Variants in NEGR1 observed in about 807,000 individuals in gnomAD.
The protein encoded by NEGR1 is IgLON family member 4.
Under a neutral mutation model 40.9 loss-of-function variants are expected in NEGR1, and 10 were observed. That is an observed-to-expected ratio of 0.24 (90% CI 0.15 to 0.42). NEGR1 has a LOEUF of 0.42. Ranked by LOEUF, NEGR1 falls within the 10% of genes least tolerant of loss-of-function variation. The pLI, the probability that NEGR1 is intolerant of heterozygous loss-of-function variation, is 1.00. For missense variants in NEGR1, 352 were observed against 438.9 expected, an observed-to-expected ratio of 0.80 and a Z score of 1.77; for synonymous variants, 185 against 166.8, an observed-to-expected ratio of 1.11 and a Z score of -0.84.
At chr1:71,959,413 C>G (rs1188765936) in intron 1 of NEGR1, among the ~76,000 whole-genome samples, 1 of 152,112 alleles carries the variant, frequency 6.6e-6, no homozygotes, top group African/African-American at 2.4e-5. Flanking sequence ...AAATAAATTA[C>G]AAACATCAAT....
intron 3 of NEGR1, among the ~76,000 whole-genome samples, chr1:71,721,503 A>C (rs1654510567): frequency 6.6e-6 from 1 of 152,112 alleles, no homozygotes; most frequent in Non-Finnish European, 1.5e-5. Flanking sequence ...GTAAACATAG[A>C]CTAGGATATC....
intron 6 of NEGR1, among the ~76,000 whole-genome samples, chr1:71,420,698 C>T (rs1022602539): frequency 6.6e-6 from 1 of 151,972 alleles, no homozygotes. Flanking sequence ...AAGAGCTAGA[C>T]AGAGAATTAA....
intron 1 of NEGR1, among the ~76,000 whole-genome samples, chr1:72,204,450 T>C (rs954267341): frequency 2.6e-5 from 4 of 152,080 alleles, no homozygotes; most frequent in Admixed American, 2.6e-4. Context: ...TTTCAGTCAA[T>C]AGTCATCGTA....
At chr1:71,715,198 G>A (rs561602236) in intron 3 of NEGR1, among the ~76,000 whole-genome samples, 1 of 152,288 alleles carries the variant, frequency 6.6e-6, no homozygotes, top group Admixed American at 6.5e-5. Flanking sequence ...TTTCAGTCGT[G>A]GCTGGGATGC....
chr1:71,540,558 C>T (rs2101456411), intron 6 of NEGR1, among the ~76,000 whole-genome samples: 1 of 151,766 alleles, frequency 6.6e-6, no homozygotes, highest in Non-Finnish European at 1.5e-5. Flanking sequence ...GACAGATCTC[C>T]AAGGGCTTAG....
At chr1:71,463,966 T>C (rs914314088) in intron 6 of NEGR1, among the ~76,000 whole-genome samples, 9 of 152,074 alleles carry the variant, frequency 5.9e-5, no homozygotes, top group African/African-American at 1.9e-4. Context: ...CAGAGACAAA[T>C]TGATTTCTCA....
chr1:71,887,575 T>C (rs1266063214), intron 2 of NEGR1, among the ~76,000 whole-genome samples: 1 of 152,206 alleles, frequency 6.6e-6, no homozygotes. Context: ...GCAATACGTA[T>C]AATGTGCAGT....
At chr1:72,177,999 C>A (rs1652238298) in intron 1 of NEGR1, among the ~76,000 whole-genome samples, 1 of 151,938 alleles carries the variant, frequency 6.6e-6, no homozygotes, top group Admixed American at 6.6e-5. Context: ...CAAGGGCTTA[C>A]AAATAGAGGA....
chr1:71,561,333 C>T (rs1226617120), intron 6 of NEGR1, among the ~76,000 whole-genome samples: 4 of 151,656 alleles, frequency 2.6e-5, no homozygotes, highest in Admixed American at 6.6e-5. Flanking sequence ...AGACAATTCT[C>T]ATATAATTTT....
intron 3 of NEGR1, among the ~76,000 whole-genome samples, chr1:71,752,428 A>T (rs1655600735): frequency 6.6e-6 from 1 of 152,192 alleles, no homozygotes; most frequent in South Asian, 2.1e-4. Context: ...GATCTAGAGG[A>T]AACACACAAT....
chr1:71,643,334 GAT>G (rs1651418991), intron 4 of NEGR1, among the ~76,000 whole-genome samples: 2 of 152,036 alleles, frequency 1.3e-5, no homozygotes, highest in South Asian at 4.1e-4. Context: ...CAGTGATGGC[GAT>G]GGTATTGGTG....
At chr1:72,247,201 C>T (rs1654930564) in intron 1 of NEGR1, among the ~76,000 whole-genome samples, 1 of 152,164 alleles carries the variant, frequency 6.6e-6, no homozygotes, top group South Asian at 2.1e-4. Context: ...GTATTCACAC[C>T]TTGCTCCCTT....
chr1:71,448,471 C>T (rs750865806), intron 6 of NEGR1, among the ~76,000 whole-genome samples: 4 of 152,064 alleles, frequency 2.6e-5, no homozygotes, highest in African/African-American at 9.7e-5. Context: ...TGGTGGCATA[C>T]GCCTGTAGTC....
intron 1 of NEGR1, among the ~76,000 whole-genome samples, chr1:72,102,679 C>A (rs529784108): frequency 1.8e-4 from 28 of 152,132 alleles, no homozygotes; most frequent in African/African-American, 6.5e-4. Flanking sequence ...AGGTAACAAA[C>A]AAATAAAATA....
At chr1:71,884,581 A>C (rs1660672853) in intron 2 of NEGR1, among the ~76,000 whole-genome samples, 1 of 152,190 alleles carries the variant, frequency 6.6e-6, no homozygotes, top group Admixed American at 6.5e-5. Context: ...TATCATATGC[A>C]CCTTTATTCC....
intron 6 of NEGR1, among the ~76,000 whole-genome samples, chr1:71,568,887 T>C (rs1217459453): frequency 1.3e-5 from 2 of 150,668 alleles, no homozygotes; most frequent in East Asian, 3.9e-4. Context: ...TATTAAAGTG[T>C]CCTTGCCTCA....
intron 1 of NEGR1, among the ~76,000 whole-genome samples, chr1:72,157,401 T>C (rs536013090): frequency 1.4e-4 from 21 of 152,320 alleles, no homozygotes; most frequent in African/African-American, 4.8e-4. Flanking sequence ...TTAGTATAAA[T>C]GTTAATTCAT....
rs111586895 is a variant in NEGR1, at chr1:71,908,407, TG to T, written c.409+26671del. Among the ~76,000 whole-genome samples the T allele has an allele frequency of 3.0e-3, 451 of 152,240 alleles. 2 individuals carry two copies. The highest frequency in any genetic ancestry group is 0.01 in the African/African-American group (433 of 41,550). ...ATTGAACAAAATCTAACAAATGTTC[TG>T]TCATTTAAAGAACTCCAGACAAACA... On this transcript the variant is annotated intron_variant, in intron 2 of 6. Transcript: ENST00000357731.
intron 1 of NEGR1, among the ~76,000 whole-genome samples, chr1:72,280,303 G>T (rs992101030): frequency 6.6e-6 from 1 of 152,180 alleles, no homozygotes; most frequent in African/African-American, 2.4e-5. Context: ...TTATTAAATT[G>T]TTGTTTGTTT....
Sources: allele counts gnomAD v4.1 joint callset (sites outside exome capture counted in the v4.1 genomes callset), GRCh38; gene constraint gnomAD v4.1.1; transcripts MANE v1.5; gene names NCBI Gene and HGNC (gene_info 2026-07-23, HGNC 2026-07-21).